The following DLG2 variants were observed in gnomAD, a reference collection of about 807,000 sequenced individuals.
The protein encoded by DLG2 is disks large homolog 2.
DLG2 carries 45 observed loss-of-function variants against 132.5 expected under a neutral mutation model. The ratio of observed to expected loss-of-function variants is 0.34; its 90% CI spans 0.27 to 0.44. The LOEUF is 0.44. DLG2 is among the 20% of genes least tolerant of loss of function. The pLI is 1.00. For missense variants in DLG2, 1,045 were observed against 1,196.9 expected (o/e 0.87, Z 1.87); for synonymous variants, 424 against 419.6 (o/e 1.01, Z -0.13).
chr11:83,773,616 G>T (rs1322584062), intron 18 of DLG2, among the ~76,000 whole-genome samples: 1 of 152,180 alleles, frequency 6.6e-6, no homozygotes, highest in Non-Finnish European at 1.5e-5. Context: ...CTATTTTTCG[G>T]CATTGAAGAT....
intron 9 of DLG2, among the ~76,000 whole-genome samples, chr11:84,099,533 G>C (rs574774740): frequency 3.8e-4 from 58 of 151,826 alleles, no homozygotes; most frequent in African/African-American, 1.4e-3. Context: ...TCTAAGTAAA[G>C]AAAACTTCCA....
intron 6 of DLG2, among the ~76,000 whole-genome samples, chr11:84,641,983 GTGTA>G (rs747088692): frequency 4.2e-5 from 6 of 142,378 alleles, no homozygotes; most frequent in East Asian, 2.0e-4. Flanking sequence ...GTATGCATGT[GTGTA>G]TGTGTGTGTG....
At chr11:84,563,497 G>A (rs1469100967) in intron 6 of DLG2, among the ~76,000 whole-genome samples, 1 of 152,074 alleles carries the variant, frequency 6.6e-6, no homozygotes, top group African/African-American at 2.4e-5. Flanking sequence ...TTCAGAACCT[G>A]GCATTTTGGC....
At chr11:83,738,552 C>A (rs2092210896) in intron 18 of DLG2, among the ~76,000 whole-genome samples, 1 of 152,086 alleles carries the variant, frequency 6.6e-6, no homozygotes, top group Admixed American at 6.6e-5. Context: ...TTTCCTCTGC[C>A]TCAAAACAGC....
intron 3 of DLG2, among the ~76,000 whole-genome samples, chr11:85,318,811 T>G (rs993211175): frequency 2.6e-5 from 4 of 151,830 alleles, no homozygotes; most frequent in Admixed American, 6.6e-5. Context: ...AGCAACCCTC[T>G]AAAACACTTC....
chr11:83,834,337 G>A (rs766840043), intron 16 of DLG2, among the ~76,000 whole-genome samples: 2 of 152,154 alleles, frequency 1.3e-5, no homozygotes, highest in African/African-American at 2.4e-5. Flanking sequence ...AGATATGATC[G>A]GAGGTGGGAA....
intron 21 of DLG2, among the ~76,000 whole-genome samples, chr11:83,513,928 G>A (rs2095173596): frequency 6.6e-6 from 1 of 152,154 alleles, no homozygotes; most frequent in Non-Finnish European, 1.5e-5. Context: ...TTTGGTTACT[G>A]TAGCCTTGTA....
At chr11:83,954,224 T>C (rs116029265) in intron 14 of DLG2, among the ~76,000 whole-genome samples, 2,654 of 152,258 alleles carry the variant, frequency 0.017, 78 homozygotes, top group African/African-American at 0.059. Context: ...TAATATATAT[T>C]TGGATGTTCC....
intron 4 of DLG2, among the ~76,000 whole-genome samples, chr11:85,157,417 TAGTCCTTGGCATGA>T (rs2077667693): frequency 6.6e-6 from 1 of 152,160 alleles, no homozygotes; most frequent in African/African-American, 2.4e-5. Context: ...AGAACACTGA[TAGTCCTTGGCATGA>T]ACTGTTTAGA....
intron 8 of DLG2, among the ~76,000 whole-genome samples, chr11:84,181,553 A>C (rs979155296): frequency 3.3e-5 from 5 of 152,106 alleles, no homozygotes; most frequent in African/African-American, 1.2e-4. Flanking sequence ...CAATGGTATA[A>C]ATACATCAAT....
At chr11:83,684,274 A>T (rs2079337225) in intron 18 of DLG2, among the ~76,000 whole-genome samples, 1 of 152,144 alleles carries the variant, frequency 6.6e-6, no homozygotes, top group African/African-American at 2.4e-5. Flanking sequence ...CAAGGTATGC[A>T]GTCAGCATTC....
intron 11 of DLG2, among the ~76,000 whole-genome samples, chr11:84,043,024 T>C (rs2096134279): frequency 6.6e-6 from 1 of 151,842 alleles, no homozygotes; most frequent in Non-Finnish European, 1.5e-5. Context: ...ACTGCTTATA[T>C]ATGGACATAT....
chr11:85,097,212 G>T (rs888061303), intron 6 of DLG2, among the ~76,000 whole-genome samples: 1 of 151,994 alleles, frequency 6.6e-6, no homozygotes, highest in Non-Finnish European at 1.5e-5. Flanking sequence ...TCTCCTATAA[G>T]AATGATTTCT....
In DLG2 at chr11:83,467,765, C is replaced by A. The variant is rs55698416; in HGVS notation, c.2620-948G>T. On this transcript the variant is annotated intron_variant, in intron 25 of 27. Transcript: ENST00000376104. ...AATGCCATCTCAAAAAAAATAAAAA[C>A]TATATGTATATATATATATATATAT... Among the ~76,000 whole-genome samples, 273 of 98,888 alleles carry A rather than the reference C, an allele frequency of 2.8e-3. 14 individuals are homozygous for A. Among genetic ancestry groups the A allele is most frequent in the African/African-American group, 9.4e-3 (254 of 26,996 alleles). The allele number at this position is 98,888 out of a possible 152,430, so 64.9% of individuals were successfully genotyped here.
At chr11:85,252,598 A>T (rs1367034354) in intron 4 of DLG2, among the ~76,000 whole-genome samples, 2 of 152,182 alleles carry the variant, frequency 1.3e-5, no homozygotes, top group Non-Finnish European at 2.9e-5. Context: ...AAAAATAAAA[A>T]ATAAAAAAAG....
At chr11:83,644,924 T>C (rs1262747730) in intron 18 of DLG2, among the ~76,000 whole-genome samples, 1 of 152,086 alleles carries the variant, frequency 6.6e-6, no homozygotes, top group Admixed American at 6.6e-5. Context: ...AAAACAAAGA[T>C]ATTACAAAGC....
chr11:84,129,778 T>C (rs1019965996), intron 9 of DLG2, among the ~76,000 whole-genome samples: 3 of 152,104 alleles, frequency 2.0e-5, no homozygotes, highest in Admixed American at 1.3e-4. Flanking sequence ...GGGTCTTAAA[T>C]ATGAGTACAC....
chr11:83,515,125 T>C (rs2095243351), intron 21 of DLG2, among the ~76,000 whole-genome samples: 1 of 152,244 alleles, frequency 6.6e-6, no homozygotes, highest in Non-Finnish European at 1.5e-5. Context: ...CTTGTACCTC[T>C]GGTAGAATTC....
At chr11:84,564,189 C>T (rs1031190930) in intron 6 of DLG2, among the ~76,000 whole-genome samples, 6 of 152,110 alleles carry the variant, frequency 3.9e-5, no homozygotes, top group Admixed American at 1.3e-4. Context: ...TGCAAAGGCT[C>T]GTCTATGCAG....
Sources: allele counts gnomAD v4.1 joint callset (sites outside exome capture counted in the v4.1 genomes callset), GRCh38; gene constraint gnomAD v4.1.1; transcripts MANE v1.5; gene names NCBI Gene and HGNC (gene_info 2026-07-23, HGNC 2026-07-21).